The following FIGN variants were observed in gnomAD, a reference collection of about 807,000 sequenced individuals.
The protein encoded by FIGN is fidgetin.
Under a neutral mutation model 51.3 loss-of-function variants are expected in FIGN, and 11 were observed. The ratio of observed to expected loss-of-function variants is 0.21; its 90% CI spans 0.13 to 0.35. The LOEUF (loss-of-function observed/expected upper bound fraction) is 0.35, where lower values mean the gene tolerates loss of function less well. FIGN is among the 10% of genes least tolerant of loss of function. The pLI, the probability that FIGN is intolerant of heterozygous loss-of-function variation, is 1.00. For synonymous variants in FIGN, 407 were observed against 363.2 expected (o/e 1.12, Z -1.37); for missense variants, 857 against 943.6 (o/e 0.91, Z 1.20).
chr2:163,723,686 C>T (rs1481551176), intron 2 of FIGN, among the ~76,000 whole-genome samples: 3 of 152,144 alleles, frequency 2.0e-5, no homozygotes, highest in Admixed American at 2.0e-4. Context: ...AAAAGTCCAC[C>T]TTTCATACTA....
At chr2:163,652,741 T>G (rs1015751087) in intron 2 of FIGN, among the ~76,000 whole-genome samples, 4 of 152,126 alleles carry the variant, frequency 2.6e-5, no homozygotes, top group Non-Finnish European at 4.4e-5. Context: ...TAATCCATAA[T>G]TTATCTAAAA....
chr2:163,732,008 A>G (rs1381998664), intron 2 of FIGN, among the ~76,000 whole-genome samples: 1 of 152,196 alleles, frequency 6.6e-6, no homozygotes, highest in East Asian at 1.9e-4. Context: ...ACAAGTATCC[A>G]AAAACTCTAT....
chr2:163,634,506 A>G (rs926553552), intron 2 of FIGN, among the ~76,000 whole-genome samples: 4 of 152,128 alleles, frequency 2.6e-5, no homozygotes, highest in African/African-American at 9.6e-5. Context: ...GCCAAACTGC[A>G]ACACTGGGCT....
At chr2:163,687,432 T>C (rs760412128) in intron 2 of FIGN, among the ~76,000 whole-genome samples, 19 of 152,174 alleles carry the variant, frequency 1.2e-4, no homozygotes, top group Non-Finnish European at 2.5e-4. Context: ...CAGAGTCGGG[T>C]CACCTGACCT....
intron 2 of FIGN, among the ~76,000 whole-genome samples, chr2:163,720,420 A>C (rs1684738975): frequency 6.6e-6 from 1 of 152,198 alleles, no homozygotes; most frequent in East Asian, 1.9e-4. Context: ...ATTTGTGATT[A>C]GTTTCTATTC....
chr2:163,638,735 A>C (rs1328358216), intron 2 of FIGN, among the ~76,000 whole-genome samples: 1 of 152,176 alleles, frequency 6.6e-6, no homozygotes, highest in East Asian at 1.9e-4. Flanking sequence ...TTCAGCTATC[A>C]ATCAATCAAT....
chr2:163,606,994 G>A lies in FIGN; in HGVS notation c.*2558C>T, dbSNP rs1691124686. The A allele has an allele frequency of 6.6e-6, 1 of 152,212 alleles. No homozygotes were observed. The highest frequency in any genetic ancestry group is 2.4e-5 in the African/African-American group (1 of 41,544). The allele number at this position is 152,212 out of a possible 1,614,324, so 9.4% of individuals were successfully genotyped here. A position where few individuals can be genotyped will look rare whatever the true frequency, so the allele number is the denominator to read the frequency against. On this transcript the variant is annotated 3_prime_UTR_variant, in exon 3 of 3. Transcript: ENST00000333129. ...TTATAAATGAGTGTAAAACACAATA[G>A]TGCAGTCATATATTTGGCATTAAAT...
At chr2:163,676,398 G>A (rs1292065396) in intron 2 of FIGN, among the ~76,000 whole-genome samples, 1 of 114,282 alleles carries the variant, frequency 8.8e-6, no homozygotes, top group Non-Finnish European at 1.8e-5. Context: ...TCACTAAAAT[G>A]AAAATATATA....
intron 2 of FIGN, among the ~76,000 whole-genome samples, chr2:163,632,610 G>A (rs1028829902): frequency 4.6e-5 from 7 of 152,138 alleles, no homozygotes; most frequent in Non-Finnish European, 1.0e-4. Flanking sequence ...CATGGAATGT[G>A]GGGATAAAAA....
chr2:163,704,623 CTT>C (rs1491585664), intron 2 of FIGN, among the ~76,000 whole-genome samples: 36 of 135,354 alleles, frequency 2.7e-4, no homozygotes, highest in Admixed American at 4.7e-4. Context: ...CTGTCTCTCT[CTT>C]TCTCTCTCTC....
At chr2:163,664,074 T>C (rs1683735156) in intron 2 of FIGN, among the ~76,000 whole-genome samples, 1 of 152,082 alleles carries the variant, frequency 6.6e-6, no homozygotes. Context: ...GGTGTAATTG[T>C]AGGTATGTGT....
At chr2:163,733,808 G>A (rs998980529) in intron 2 of FIGN, among the ~76,000 whole-genome samples, 5 of 152,160 alleles carry the variant, frequency 3.3e-5, no homozygotes, top group Non-Finnish European at 5.9e-5. Flanking sequence ...TGTTAGGAGA[G>A]AGCAGTGACC....
Position 163,660,772 on chromosome 2 carries a change from TAC to T in FIGN, c.26-48968_26-48967del, listed in dbSNP as rs1683647369. 4.2e-5 allele frequency among the ~76,000 whole-genome samples: 2 copies of T among 47,788 alleles called. 1 individual carries two copies. Among genetic ancestry groups the T allele is most frequent in the African/African-American group, 1.1e-4 (2 of 17,546 alleles). The allele number at this position is 47,788 out of a possible 152,430, so 31.4% of individuals were successfully genotyped here. ...GTATACACATATACATATATATGTA[TAC>T]ACATATACATATATATGTATATAGA... On this transcript the variant is annotated intron_variant, in intron 2 of 2. Transcript: ENST00000333129.
At chr2:163,711,670 A>AG (rs1559029581) in intron 2 of FIGN, among the ~76,000 whole-genome samples, 1 of 151,798 alleles carries the variant, frequency 6.6e-6, no homozygotes, top group Non-Finnish European at 1.5e-5. Flanking sequence ...AAAAAAAAAA[A>AG]AAACTATTTC....
chr2:163,664,702 T>C (rs534545222), intron 2 of FIGN, among the ~76,000 whole-genome samples: 31 of 152,342 alleles, frequency 2.0e-4, no homozygotes, highest in African/African-American at 7.2e-4. Flanking sequence ...AAACCTATCT[T>C]TAATCTTCAG....
At position 163,608,354 on chromosome 2, in the gene FIGN, A is replaced by T. The variant is rs764946745; in HGVS notation, c.*1198T>A. 6.6e-6 allele frequency: 1 copy of T among 152,590 alleles called. No individual in the cohort carries two copies. Among genetic ancestry groups the T allele is most frequent in the South Asian group, 2.1e-4 (1 of 4,834 alleles). The allele number at this position is 152,590 out of a possible 1,614,324, so 9.5% of individuals were successfully genotyped here. On this transcript the variant is annotated 3_prime_UTR_variant, in exon 3 of 3. Transcript: ENST00000333129. ...TGCTATCCTCTGCATTCTATCAAAC[A>T]GCACGGCAAGTCTATAAGCTAGATT...
At position 163,701,658 on chromosome 2, in the gene FIGN, A is replaced by G. The variant is rs141696546; in HGVS notation, c.25+33245T>C. 8.4e-3 allele frequency among the ~76,000 whole-genome samples: 1,284 copies of G among 152,348 alleles called. 23 individuals carry two copies. The highest frequency in any genetic ancestry group is 0.029 in the African/African-American group (1,226 of 41,582). Reference sequence around the variant, plus strand: ...GACTCACTGAGGAAGCAAGGCATCCAGACGAAGAATATCTGCTTTATTGGT... The same window carrying G: ...GACTCACTGAGGAAGCAAGGCATCCGGACGAAGAATATCTGCTTTATTGGT... On this transcript the variant is annotated intron_variant, in intron 2 of 2. Transcript: ENST00000333129.
intron 2 of FIGN, among the ~76,000 whole-genome samples, chr2:163,650,892 TAAA>T (rs1683462453): frequency 6.6e-6 from 1 of 152,178 alleles, no homozygotes; most frequent in Non-Finnish European, 1.5e-5. Context: ...AAGTACATTC[TAAA>T]TGAGAAAGTT....
At chr2:163,678,769 G>C (rs565004063) in intron 2 of FIGN, among the ~76,000 whole-genome samples, 2 of 152,294 alleles carry the variant, frequency 1.3e-5, no homozygotes, top group East Asian at 3.9e-4. Context: ...CCTTGGGATA[G>C]TCTTCTAGAT....
Sources: gnomAD v4.1 joint callset for allele counts (sites outside exome capture counted in the v4.1 genomes callset) on GRCh38, gnomAD v4.1.1 for gene constraint, MANE v1.5 for transcripts, NCBI Gene and HGNC (gene_info 2026-07-23, HGNC 2026-07-21) for gene names.